TMEM131: variants seen among roughly 807,000 people sequenced by gnomAD.
TMEM131 encodes 2610524E03Rik.
In TMEM131, 66 loss-of-function variants were observed where a neutral mutation model predicts 211.6. That is an observed-to-expected ratio of 0.31 (90% CI 0.26 to 0.38). The LOEUF is 0.38. TMEM131 is among the 10% of genes least tolerant of loss of function. The probability of loss-of-function intolerance (pLI) is 1.00; values close to 1 mark genes in which losing one functional copy is unlikely to be tolerated. For synonymous variants in TMEM131, 844 were observed against 841.3 expected (o/e 1.00, Z -0.06); for missense variants, 2,036 against 2,299.3 (o/e 0.89, Z 2.34).
intron 3 of TMEM131, among the ~76,000 whole-genome samples, chr2:97,907,934 T>C (rs1676139477): frequency 6.6e-6 from 1 of 152,154 alleles, no homozygotes; most frequent in Non-Finnish European, 1.5e-5. Context: ...TTTACATCTA[T>C]GGTCCTCCGG....
At chr2:97,824,881 G>A (rs1401792097) in intron 11 of TMEM131, among the ~76,000 whole-genome samples, 1 of 151,938 alleles carries the variant, frequency 6.6e-6, no homozygotes, top group Admixed American at 6.6e-5. Context: ...AAAACCGAAT[G>A]GTCAGTGGAG....
At chr2:97,804,959 C>G in intron 22 of TMEM131, 129 bp downstream of exon 22, 1 of 609,720 alleles carries the variant, frequency 1.6e-6, no homozygotes, top group Non-Finnish European at 2.7e-6. Flanking sequence ...TAATAACTTT[C>G]TGAAAATTAG....
In TMEM131 at chr2:97,812,721, T is replaced by A. The variant is rs764886761; in HGVS notation, c.1646A>T (p.Glu549Val). The A allele has an allele frequency of 1.3e-6, 2 of 1,589,400 alleles. No homozygotes were observed. The highest frequency in any genetic ancestry group is 2.7e-5 in the African/African-American group (2 of 73,272). The change falls in exon 16 of 41, where the codon GAA becomes GTA. Residue 549 changes from glutamate (E) to valine (V), a missense_variant. Coordinates refer to ENST00000186436, the MANE Select transcript of TMEM131 (RefSeq NM_015348.2). The stretch of plus-strand genomic sequence containing the variant: ...CAGTACTCCAAAATCTATGAAACGT[T>A]CCTCTATTTTGGGGGGCAATACAAA... ...DYFVLPPKIE[E>V]RFIDFGVLSA... is the part of the protein sequence containing the mutation.
chr2:97,856,821 G>C (rs1673868242), intron 5 of TMEM131, among the ~76,000 whole-genome samples: 2 of 152,256 alleles, frequency 1.3e-5, no homozygotes, highest in East Asian at 1.9e-4. Context: ...GGGAAAAAAA[G>C]ATGCAAAGCA....
intron 1 of TMEM131, among the ~76,000 whole-genome samples, chr2:97,987,598 A>T (rs564023534): frequency 6.6e-6 from 1 of 152,370 alleles, no homozygotes; most frequent in African/African-American, 2.4e-5. Context: ...AATTAACGAA[A>T]TACCTTAAGT....
Position 97,757,467 on chromosome 2 carries a change from G to A in TMEM131, c.5368-84C>T. On this transcript the variant is annotated intron_variant, in intron 40 of 40. Transcript: ENST00000186436. ...AAGGGGGTAAGGCTACAGAAAAGAT[G>A]AGGCTGGGGCACGCATTCCTCTTAC... 2.1e-6 allele frequency: 3 copies of A among 1,430,588 alleles called. No individual in the cohort carries two copies. The South Asian group carries it at 4.2e-5, about 20-fold the overall frequency. 88.6% of individuals were successfully genotyped at this position (1,430,588 alleles called of 1,614,324 possible).
intron 26 of TMEM131, 58 bp from the exon 27 acceptor site, chr2:97,797,044 T>G (rs866312214): frequency 6.5e-7 from 1 of 1,539,228 alleles, no homozygotes; most frequent in African/African-American, 1.4e-5. Flanking sequence ...AATCTTTTGA[T>G]TTGCAATTTC....
At chr2:97,862,728 C>T (rs1573474616) in intron 4 of TMEM131, among the ~76,000 whole-genome samples, 1 of 151,888 alleles carries the variant, frequency 6.6e-6, no homozygotes, top group Admixed American at 6.6e-5. Flanking sequence ...GGCATACCTA[C>T]GGGACCTAGA....
chr2:97,924,915 T>C (rs1197604184), intron 2 of TMEM131, among the ~76,000 whole-genome samples: 1 of 152,206 alleles, frequency 6.6e-6, no homozygotes, highest in Non-Finnish European at 1.5e-5. Context: ...GATCTCACTC[T>C]GCTGCCCAGG....
intron 31 of TMEM131, among the ~76,000 whole-genome samples, chr2:97,777,770 G>T (rs1258857518): frequency 2.0e-5 from 3 of 152,076 alleles, no homozygotes; most frequent in African/African-American, 7.2e-5. Context: ...AATTATAATC[G>T]TGCCACTGTG....
chr2:97,761,019 G>A lies in TMEM131; in HGVS notation c.4890-105C>T, dbSNP rs539429526. 20 of 1,471,182 alleles carry A rather than the reference G, an allele frequency of 1.4e-5. No individual in the cohort carries two copies. The Admixed American group carries it at 2.5e-4, about 18-fold the overall frequency. 91.1% of individuals were successfully genotyped at this position (1,471,182 alleles called of 1,614,324 possible). ...AGCCCTGAGTGGGCTTCTCTGCAGC[G>A]GGGCAGCTCACAGAGCATCGCTCAG... On this transcript the variant is annotated intron_variant, in intron 36 of 40. Coordinates refer to ENST00000186436, the MANE Select transcript of TMEM131 (RefSeq NM_015348.2).
At chr2:97,904,798 C>CTT (rs74265071) in intron 3 of TMEM131, among the ~76,000 whole-genome samples, 2 of 138,858 alleles carry the variant, frequency 1.4e-5, no homozygotes, top group African/African-American at 5.3e-5. Flanking sequence ...GGCTATAGTT[C>CTT]TTTTTTTTTT....
chr2:97,811,242 G>C lies in TMEM131; in HGVS notation c.1864-10C>G, dbSNP rs375503585. 6.3e-7 allele frequency: 1 copy of C among 1,592,970 alleles called. No individual in the cohort carries two copies. The highest frequency in any genetic ancestry group is 8.6e-7 in the Non-Finnish European group (1 of 1,161,190). ...CTGAAGCTAATGTTACCTGTAGATA[G>C]TAGAAATGGTATCATTCATTAGCCT... is the stretch of plus-strand genomic sequence containing the variant. On this transcript the variant is annotated splice_polypyrimidine_tract_variant and intron_variant, in intron 17 of 40. Coordinates refer to ENST00000186436, the MANE Select transcript of TMEM131 (RefSeq NM_015348.2).
rs1454293303 is a variant in TMEM131, at chr2:97,793,521, T to C, written c.3419A>G (p.Tyr1140Cys). Reference protein sequence around the residue: ...ALFLLVIGTAYLEAQGIWEPF... With the variant: ...ALFLLVIGTACLEAQGIWEPF... ...CTCCCATATTCCTTGAGCTTCCAAA[T>C]AGGCTGTTCCAATGACCAAAAGAAA... Residue 1140 changes from tyrosine (Y) to cysteine (C), a missense_variant, in exon 30 of 41, where the codon TAT becomes TGT. Coordinates refer to ENST00000186436, the MANE Select transcript of TMEM131 (RefSeq NM_015348.2). 8 of 1,613,682 alleles carry C rather than the reference T, an allele frequency of 5.0e-6. No homozygotes were observed. The highest frequency in any genetic ancestry group is 1.6e-4 in the Middle Eastern group (1 of 6,062).
At chr2:97,873,706 A>C (rs1674580854) in intron 4 of TMEM131, among the ~76,000 whole-genome samples, 1 of 152,246 alleles carries the variant, frequency 6.6e-6, no homozygotes, top group Non-Finnish European at 1.5e-5. Context: ...CCACTCAAAG[A>C]TGCCATCCAA....
intron 32 of TMEM131, among the ~76,000 whole-genome samples, chr2:97,774,291 G>A (rs756777223): frequency 6.6e-6 from 1 of 152,252 alleles, no homozygotes; most frequent in Non-Finnish European, 1.5e-5. Flanking sequence ...CTAGCACGTG[G>A]CCTGGCACGT....
intron 3 of TMEM131, among the ~76,000 whole-genome samples, chr2:97,905,200 G>T (rs1341081956): frequency 2.0e-5 from 3 of 151,822 alleles, no homozygotes; most frequent in African/African-American, 4.8e-5. Flanking sequence ...CATTTTTTTT[G>T]AAGGATATTC....
chr2:97,893,064 C>T (rs1573520519), intron 3 of TMEM131, among the ~76,000 whole-genome samples: 1 of 152,146 alleles, frequency 6.6e-6, no homozygotes, highest in African/African-American at 2.4e-5. Context: ...CAACCCCCGA[C>T]AGGCGTGTGA....
rs576733922 is a variant in TMEM131, at chr2:97,814,286, C to T, written c.1395G>A (p.Ala465=). Residue 465 remains alanine (A), a synonymous_variant, in exon 14 of 41, where the codon GCG becomes GCA. Coordinates refer to ENST00000186436, the MANE Select transcript of TMEM131 (RefSeq NM_015348.2). ...PIYLTNTFSF[A]ILIHDVLLPE... ...GTAGCAACACATCGTGAATGAGGAT[C>T]GCAAAACTGAAAGTGTTAGTAAGGT... is the stretch of plus-strand genomic sequence containing the variant. 67 of 1,613,698 alleles carry T rather than the reference C, an allele frequency of 4.2e-5. No homozygotes were observed. In the East Asian group the frequency reaches 8.2e-4, roughly 20 times the overall value.
Sources: gnomAD v4.1 joint callset for allele counts (sites outside exome capture counted in the v4.1 genomes callset) on GRCh38, gnomAD v4.1.1 for gene constraint, MANE v1.5 for transcripts, NCBI Gene and HGNC (gene_info 2026-07-23, HGNC 2026-07-21) for gene names.